Variants in CCDC102B observed in about 807,000 individuals in gnomAD.
CCDC102B encodes coiled-coil domain containing 102B, also known as coiled-coil domain-containing protein 102B.
CCDC102B carries 75 observed loss-of-function variants against 57.4 expected under a neutral mutation model. That is an observed-to-expected ratio of 1.31 (90% CI 1.08 to 1.58). CCDC102B has a LOEUF of 1.58. CCDC102B is among the 40% of genes most tolerant of loss of function. CCDC102B has a pLI of 0.00. For synonymous variants in CCDC102B, 206 were observed against 201.9 expected, an observed-to-expected ratio of 1.02 and a Z score of -0.17; for missense variants, 636 against 582.6, an observed-to-expected ratio of 1.09 and a Z score of -0.94.
chr18:68,829,285 T>A (rs2037046071), intron 1 of CCDC102B, among the ~76,000 whole-genome samples: 1 of 151,990 alleles, frequency 6.6e-6, no homozygotes, highest in Non-Finnish European at 1.5e-5. Context: ...TAGTAAGAAC[T>A]GGGGTGACTG....
chr18:68,798,357 T>C (rs1208931064), intron 1 of CCDC102B, 176 bp downstream of exon 1: 3 of 152,144 alleles, frequency 2.0e-5, no homozygotes, highest in African/African-American at 7.2e-5. Flanking sequence ...TTCCTTCCTT[T>C]CCCCTTTCAT....
intron 7 of CCDC102B, among the ~76,000 whole-genome samples, chr18:69,052,192 C>G (rs1431423): frequency 0.79 from 119,510 of 151,638 alleles, 50,769 homozygotes; most frequent in Non-Finnish European, 0.95. Context: ...AGCAAAAGGC[C>G]TGAATAAACA....
chr18:68,777,506 G>T (rs937828297), intron 2 of CCDC102B, among the ~76,000 whole-genome samples: 4 of 152,168 alleles, frequency 2.6e-5, no homozygotes, highest in African/African-American at 9.6e-5. Flanking sequence ...TTCATGTTGG[G>T]CCTAATAATT....
intron 7 of CCDC102B, among the ~76,000 whole-genome samples, chr18:69,014,705 T>C (rs2051613252): frequency 6.6e-6 from 1 of 152,054 alleles, no homozygotes; most frequent in Admixed American, 6.6e-5. Flanking sequence ...CGAGGTGTTT[T>C]TTTTGTGTGT....
chr18:68,905,784 C>CTTTTTTTTTTTTT lies in CCDC102B; in HGVS notation c.1263+8371_1263+8383dup, dbSNP rs35808828. On this transcript the variant is annotated intron_variant, in intron 6 of 7. Coordinates refer to ENST00000360242, the MANE Select transcript of CCDC102B (RefSeq NM_024781.3). The stretch of plus-strand genomic sequence containing the variant: ...GTGATATATAATCTTTTATGTCTGG[C>CTTTTTTTTTTTTT]TTTTTTTTTTTTTTTTTTTTTTTTT... Among the ~76,000 whole-genome samples, 12 of 70,464 alleles carry CTTTTTTTTTTTTT rather than the reference C, an allele frequency of 1.7e-4. 1 individual carries two copies. In the East Asian group the frequency reaches 2.2e-3, roughly 13 times the overall value. 46.2% of individuals were successfully genotyped at this position (70,464 alleles called of 152,430 possible). A position where few individuals can be genotyped will look rare whatever the true frequency, so the allele number is the denominator to read the frequency against.
chr18:68,748,182 G>C (rs2033696738), intron 2 of CCDC102B, among the ~76,000 whole-genome samples: 1 of 143,656 alleles, frequency 7.0e-6, no homozygotes, highest in Admixed American at 7.0e-5. Context: ...CATCTATTTA[G>C]GTACTTTGTC....
intron 1 of CCDC102B, among the ~76,000 whole-genome samples, chr18:68,825,855 G>A (rs1011013267): frequency 3.3e-5 from 5 of 152,060 alleles, no homozygotes; most frequent in African/African-American, 9.7e-5. Flanking sequence ...GTACTTACAG[G>A]TAGTCATGTG....
chr18:68,802,048 T>C (rs2035873467), intron 1 of CCDC102B, among the ~76,000 whole-genome samples: 1 of 152,188 alleles, frequency 6.6e-6, no homozygotes, highest in South Asian at 2.1e-4. Context: ...AGTGGGATTA[T>C]AACATTTGGT....
chr18:69,026,415 C>T (rs928054503), intron 7 of CCDC102B, among the ~76,000 whole-genome samples: 5 of 144,058 alleles, frequency 3.5e-5, no homozygotes, highest in Non-Finnish European at 7.5e-5. Context: ...TGCGGTGAGC[C>T]GGGATGACAC....
At chr18:68,780,831 C>T (rs1356161004) in intron 2 of CCDC102B, among the ~76,000 whole-genome samples, 1 of 152,010 alleles carries the variant, frequency 6.6e-6, no homozygotes, top group Non-Finnish European at 1.5e-5. Context: ...CTTTCCTATC[C>T]TTCTGTCATT....
rs145549527 is a variant in CCDC102B at position 69,029,349 on chromosome 18, C to T, written c.1434+18245C>T. Among the ~76,000 whole-genome samples, 661 of 152,272 alleles carry T rather than the reference C, an allele frequency of 4.3e-3. 8 individuals carry two copies. The highest frequency in any genetic ancestry group is 0.027 in the South Asian group (128 of 4,824). On this transcript the variant is annotated intron_variant, in intron 7 of 7. Transcript: ENST00000360242. ...TACAGGTAGTATTAGAGGACTTGGA[C>T]GGCAGCAATCCATGCTACCATCTTT...
intron 4 of CCDC102B, among the ~76,000 whole-genome samples, chr18:68,860,715 A>G (rs1446595505): frequency 9.9e-6 from 1 of 100,922 alleles, no homozygotes; most frequent in Non-Finnish European, 2.2e-5. Context: ...TGCTCTCCCT[A>G]TCTCCTCTAT....
intron 7 of CCDC102B, among the ~76,000 whole-genome samples, chr18:69,035,827 G>A (rs1305233864): frequency 6.6e-6 from 1 of 152,090 alleles, no homozygotes; most frequent in Non-Finnish European, 1.5e-5. Flanking sequence ...TTCTTGTAAA[G>A]GTTCTGCATT....
At position 69,054,018 on chromosome 18, in the gene CCDC102B, C is replaced by G; in HGVS notation, c.1435-12C>G. Reference sequence around the variant, plus strand: ...TTGAACCTAACTAAAGCATTTTCTACTTCGCTTTCAGCTTGATGATTCCCT... The same window carrying G: ...TTGAACCTAACTAAAGCATTTTCTAGTTCGCTTTCAGCTTGATGATTCCCT... On this transcript the variant is annotated splice_polypyrimidine_tract_variant and intron_variant, in intron 7 of 7. Coordinates refer to ENST00000360242, the MANE Select transcript of CCDC102B (RefSeq NM_024781.3). The G allele has an allele frequency of 6.3e-7, 1 of 1,596,118 alleles. No homozygotes were observed. Among genetic ancestry groups the G allele is most frequent in the Non-Finnish European group, 8.5e-7 (1 of 1,174,620 alleles).
chr18:68,931,660 G>A (rs1353026217), intron 6 of CCDC102B, among the ~76,000 whole-genome samples: 1 of 151,888 alleles, frequency 6.6e-6, no homozygotes, highest in Non-Finnish European at 1.5e-5. Flanking sequence ...ATGGGGTCAG[G>A]GGAGTGTTGA....
At chr18:68,833,582 A>G (rs1346368693) in intron 1 of CCDC102B, among the ~76,000 whole-genome samples, 2 of 152,112 alleles carry the variant, frequency 1.3e-5, no homozygotes, top group Non-Finnish European at 2.9e-5. Context: ...GAAGAATTCA[A>G]TGAGGCCCAT....
chr18:69,003,398 T>G (rs1454236168), intron 6 of CCDC102B, among the ~76,000 whole-genome samples: 1 of 152,150 alleles, frequency 6.6e-6, no homozygotes, highest in Non-Finnish European at 1.5e-5. Context: ...GACACAAATC[T>G]TACTAGGAGA....
intron 3 of CCDC102B, among the ~76,000 whole-genome samples, chr18:68,840,229 A>T (rs1276768259): frequency 2.0e-5 from 3 of 152,184 alleles, no homozygotes; most frequent in African/African-American, 7.2e-5. Context: ...AGCAAGAAGG[A>T]TATGTATGCA....
chr18:68,966,187 A>G (rs1332217681), intron 6 of CCDC102B, among the ~76,000 whole-genome samples: 1 of 152,034 alleles, frequency 6.6e-6, no homozygotes, highest in Admixed American at 6.6e-5. Context: ...ATTTCTAGTG[A>G]CCCATCTTCA....
Sources: gnomAD v4.1 joint callset for allele counts (sites outside exome capture counted in the v4.1 genomes callset) on GRCh38, gnomAD v4.1.1 for gene constraint, MANE v1.5 for transcripts, NCBI Gene and HGNC (gene_info 2026-07-23, HGNC 2026-07-21) for gene names.